The following DMD variants were observed in gnomAD, a reference collection of about 807,000 sequenced individuals.
DMD encodes mutant dystrophin.
In DMD, 63 loss-of-function variants were observed where a neutral mutation model predicts 330.1. The observed-to-expected ratio is 0.19, with a 90% CI of 0.16 to 0.24. The LOEUF (loss-of-function observed/expected upper bound fraction) is 0.24, where lower values mean the gene tolerates loss of function less well. DMD is among the 10% of genes least tolerant of loss of function. The pLI, the probability that DMD is intolerant of heterozygous loss-of-function variation, is 1.00. For synonymous variants in DMD, 1,223 were observed against 959.8 expected, an observed-to-expected ratio of 1.27 and a Z score of -5.07; for missense variants, 3,344 against 2,684.1, an observed-to-expected ratio of 1.25 and a Z score of -5.43.
At chrX:32,827,005 A>C (rs2078748961) in intron 4 of DMD, among the ~76,000 whole-genome samples, 1 of 107,363 alleles carries the variant, frequency 9.3e-6, no homozygotes, top group Non-Finnish European at 1.9e-5. Flanking sequence ...TAAATTTTAC[A>C]TCATTTGTAT....
chrX:32,514,409 T>G (rs2045641647), intron 18 of DMD, among the ~76,000 whole-genome samples: 1 of 112,061 alleles, frequency 8.9e-6, no homozygotes. Context: ...ATACTTAGGA[T>G]GCACGGAAAG....
intron 17 of DMD, among the ~76,000 whole-genome samples, chrX:32,518,759 A>G (rs1354386967): frequency 9.0e-6 from 1 of 110,882 alleles, no homozygotes; most frequent in Non-Finnish European, 1.9e-5. Flanking sequence ...CACATGAAGA[A>G]GCATGGGGCA....
intron 44 of DMD, among the ~76,000 whole-genome samples, chrX:32,090,879 G>C (rs1274852765): frequency 9.0e-6 from 1 of 111,217 alleles, no homozygotes; most frequent in East Asian, 2.8e-4. Flanking sequence ...CTGTCTGAGA[G>C]GCCAGTCAAC....
intron 2 of DMD, among the ~76,000 whole-genome samples, chrX:32,886,608 A>T (rs951775536): frequency 9.1e-6 from 1 of 110,202 alleles, no homozygotes; most frequent in Non-Finnish European, 1.9e-5. Flanking sequence ...GCGTGAACCC[A>T]GGAGGCGAAG....
At chrX:32,481,557 T>G (rs148465713) in intron 21 of DMD, among the ~76,000 whole-genome samples, 200 of 111,730 alleles carry the variant, frequency 1.8e-3, no homozygotes, top group African/African-American at 3.2e-3. Context: ...TTTGTTACAT[T>G]CCAGCCTTTC....
At chrX:32,811,889 G>A (rs930944009) in intron 6 of DMD, among the ~76,000 whole-genome samples, 7 of 111,781 alleles carry the variant, frequency 6.3e-5, no homozygotes, top group Admixed American at 1.9e-4. Context: ...TTGTGTGAGC[G>A]TTAGAGAATT....
In DMD at chrX:31,817,141, A is replaced by C. The variant is rs1390562504; in HGVS notation, c.7309+2834T>G. On this transcript the variant is annotated intron_variant, in intron 50 of 78. Coordinates refer to ENST00000357033, the MANE Select transcript of DMD (RefSeq NM_004006.3). ...CTATATGTTCTTTGCAGTTATTTTG[A>C]GGATAAAGACATATATGTTAAAGCT... 2.7e-5 allele frequency among the ~76,000 whole-genome samples: 3 copies of C among 111,730 alleles called. No individual in the cohort carries two copies. The East Asian group carries it at 8.4e-4, about 31-fold the overall frequency.
chrX:32,698,083 G>T (rs192460419), intron 8 of DMD, 85 bp from the exon 9 acceptor site: 156 of 979,220 alleles, frequency 1.6e-4, no homozygotes, highest in East Asian at 1.5e-3. Context: ...CAACATGGTA[G>T]AAAACAGAAC....
In DMD at chrX:32,296,342, G is replaced by C. The variant is rs1401934304; in HGVS notation, c.6118-8641C>G. On this transcript the variant is annotated intron_variant, in intron 42 of 78. Coordinates refer to ENST00000357033, the MANE Select transcript of DMD (RefSeq NM_004006.3). ...GGAAGCGGAGGTTGCAGTGAGCCGAGACTGTGCCACCGCACTCCAGCCTGG... is the reference window on the plus strand; with the variant it reads ...GGAAGCGGAGGTTGCAGTGAGCCGACACTGTGCCACCGCACTCCAGCCTGG... Among the ~76,000 whole-genome samples, 3 of 111,288 alleles carry C rather than the reference G, an allele frequency of 2.7e-5. No individual in the cohort carries two copies. The East Asian group carries it at 8.4e-4, about 31-fold the overall frequency.
Position 31,569,642 on chromosome X carries a change from GTATATACGTA to G in DMD, c.8217+58021_8217+58030del, listed in dbSNP as rs1286782062. 2.6e-3 allele frequency among the ~76,000 whole-genome samples: 193 copies of G among 73,853 alleles called. 2 individuals are homozygous for G. The highest frequency in any genetic ancestry group is 4.9e-3 in the African/African-American group (98 of 20,173). The allele number at this position is 73,853 out of a possible 115,157, so 64.1% of individuals were successfully genotyped here. On this transcript the variant is annotated intron_variant, in intron 55 of 78. Coordinates refer to ENST00000357033, the MANE Select transcript of DMD (RefSeq NM_004006.3). ...TATATACGTATATACGTATATATAT[GTATATACGTA>G]TATATACGTATATATACGTATATAT...
At chrX:32,546,581 A>C (rs228377) in intron 16 of DMD, among the ~76,000 whole-genome samples, 18,745 of 110,989 alleles carry the variant, frequency 0.17, 1,473 homozygotes, top group East Asian at 0.41. Flanking sequence ...GTCTTAAGTA[A>C]AAATTGCTTT....
Position 33,188,370 on chromosome X carries a change from C to T in DMD, c.31+22912G>A, listed in dbSNP as rs528557420. Among the ~76,000 whole-genome samples the T allele has an allele frequency of 8.9e-4, 98 of 110,638 alleles. 5 individuals are homozygous for T. In the South Asian group the frequency reaches 0.038, roughly 43 times the overall value. On this transcript the variant is annotated intron_variant, in intron 1 of 78. Coordinates refer to ENST00000357033, the MANE Select transcript of DMD (RefSeq NM_004006.3). ...CTTCCAGCCCTTTGCTCTTTTCGGA[C>T]ACCTTTTATTTACCCGTCTACAGTT...
In DMD at chrX:32,083,975, T is replaced by C. The variant is rs192527770; in HGVS notation, c.6439-115461A>G. On this transcript the variant is annotated intron_variant, in intron 44 of 78. Transcript: ENST00000357033. The stretch of plus-strand genomic sequence containing the variant: ...TAAACCTGCTTTATTCTCTCCAGCA[T>C]TTTTCTTCTAATATTTCATAAATAG... Among the ~76,000 whole-genome samples, 51 of 112,787 alleles carry C rather than the reference T, an allele frequency of 4.5e-4. No homozygotes were observed. In the South Asian group the frequency reaches 0.017, roughly 38 times the overall value.
intron 47 of DMD, among the ~76,000 whole-genome samples, chrX:31,922,495 G>GGT (rs765621749): frequency 0.079 from 7,680 of 97,395 alleles, 264 homozygotes; most frequent in Middle Eastern, 0.13. Flanking sequence ...ACTTGAGACT[G>GGT]GTGTGTGTGT....
intron 47 of DMD, among the ~76,000 whole-genome samples, chrX:31,924,964 T>C (rs1381618412): frequency 1.8e-5 from 2 of 112,155 alleles, no homozygotes; most frequent in Non-Finnish European, 3.8e-5. Flanking sequence ...TTATTAAAAC[T>C]AATAGGAATG....
intron 2 of DMD, among the ~76,000 whole-genome samples, chrX:33,003,138 C>A (rs768463513): frequency 2.2e-3 from 240 of 110,299 alleles, no homozygotes; most frequent in Non-Finnish European, 3.8e-3. Flanking sequence ...TATCTCTCAC[C>A]CATCTCCTAC....
chrX:32,938,537 C>G (rs749509909), intron 2 of DMD, among the ~76,000 whole-genome samples: 1 of 111,505 alleles, frequency 9.0e-6, no homozygotes, highest in Non-Finnish European at 1.9e-5. Context: ...CTATTCATTT[C>G]CCAAGGCTCA....
chrX:33,225,568 T>A (rs772852932), intron 1 of DMD, among the ~76,000 whole-genome samples: 71 of 111,160 alleles, frequency 6.4e-4, no homozygotes, highest in African/African-American at 2.2e-3. Flanking sequence ...CAAAATAAAA[T>A]GCAAATAGAT....
At chrX:31,308,691 C>A (rs1181335462) in intron 62 of DMD, among the ~76,000 whole-genome samples, 2 of 111,108 alleles carry the variant, frequency 1.8e-5, no homozygotes, top group Non-Finnish European at 3.8e-5. Context: ...GGACTGCAGG[C>A]ATAAGCTGCT....
Sources: gnomAD v4.1 joint callset for allele counts (sites outside exome capture counted in the v4.1 genomes callset) on GRCh38, gnomAD v4.1.1 for gene constraint, MANE v1.5 for transcripts, NCBI Gene and HGNC (gene_info 2026-07-23, HGNC 2026-07-21) for gene names.